Variants in CFAP299 observed in about 807,000 individuals in gnomAD.
CFAP299 encodes cilia and flagella associated protein 299.
In CFAP299, 21 loss-of-function variants were observed where a neutral mutation model predicts 27.0. The ratio of observed to expected loss-of-function variants is 0.78; its 90% confidence interval spans 0.55 to 1.12. The LOEUF (loss-of-function observed/expected upper bound fraction) is 1.12. Ranked by LOEUF, CFAP299 falls within the 50% of genes most tolerant of loss-of-function variation. The pLI is 0.00. For synonymous variants in CFAP299, 104 were observed against 98.1 expected (o/e 1.06, Z -0.36); for missense variants, 310 against 276.6 (o/e 1.12, Z -0.86).
intron 5 of CFAP299, among the ~76,000 whole-genome samples, chr4:80,948,543 T>A (rs1192717704): frequency 6.6e-6 from 1 of 151,756 alleles, no homozygotes; most frequent in Non-Finnish European, 1.5e-5. Context: ...TAAATACACT[T>A]TTTTTTTACT....
intron 2 of CFAP299, among the ~76,000 whole-genome samples, chr4:80,560,867 C>A (rs1735006694): frequency 6.6e-6 from 1 of 152,068 alleles, no homozygotes; most frequent in African/African-American, 2.4e-5. Flanking sequence ...GTTTCTGGAC[C>A]CACGTGGGTC....
At chr4:80,604,704 G>C (rs1392994370) in intron 3 of CFAP299, among the ~76,000 whole-genome samples, 1 of 152,114 alleles carries the variant, frequency 6.6e-6, no homozygotes, top group Admixed American at 6.5e-5. Context: ...ACAATGAACT[G>C]GATAGAACTG....
chr4:80,641,499 A>G (rs6823981), intron 3 of CFAP299, among the ~76,000 whole-genome samples: 92,712 of 152,140 alleles, frequency 0.61, 32,188 homozygotes, highest in Non-Finnish European at 0.77. Context: ...CACCATGCCC[A>G]ATCTTATTTT....
At chr4:80,910,021 A>C (rs1735387864) in intron 4 of CFAP299, among the ~76,000 whole-genome samples, 1 of 152,174 alleles carries the variant, frequency 6.6e-6, no homozygotes, top group Admixed American at 6.5e-5. Context: ...TAAATTCAAT[A>C]TGCAAGGAAA....
chr4:80,337,677 T>C (rs1398191385), intron 1 of CFAP299, among the ~76,000 whole-genome samples: 3 of 152,142 alleles, frequency 2.0e-5, no homozygotes, highest in Non-Finnish European at 4.4e-5. Context: ...GAATTACAGG[T>C]GTGAGCCACC....
chr4:80,430,935 C>G (rs544894729), intron 2 of CFAP299, among the ~76,000 whole-genome samples: 2 of 152,120 alleles, frequency 1.3e-5, no homozygotes, highest in East Asian at 1.9e-4. Context: ...TTTGTGGGAA[C>G]CTTTTCTTCC....
intron 4 of CFAP299, among the ~76,000 whole-genome samples, chr4:80,907,841 G>A (rs1174611877): frequency 2.0e-5 from 3 of 152,136 alleles, no homozygotes; most frequent in Admixed American, 6.6e-5. Flanking sequence ...TTTCCTGACA[G>A]TGTTTTTATT....
At chr4:80,387,201 G>A (rs1266467383) in intron 2 of CFAP299, 5 of 1,368,854 alleles carry the variant, frequency 3.7e-6, no homozygotes, top group Non-Finnish European at 5.2e-6. Context: ...GAGTACTGGT[G>A]CACGCTCAGG....
intron 3 of CFAP299, among the ~76,000 whole-genome samples, chr4:80,838,538 C>A (rs971986479): frequency 5.3e-5 from 8 of 152,024 alleles, no homozygotes; most frequent in Admixed American, 1.3e-4. Flanking sequence ...CCATTGCTTG[C>A]TTTTTGTCAG....
intron 3 of CFAP299, among the ~76,000 whole-genome samples, chr4:80,625,663 A>G (rs1233528434): frequency 1.3e-5 from 2 of 152,062 alleles, no homozygotes; most frequent in African/African-American, 4.8e-5. Flanking sequence ...TTGTAAGGAC[A>G]CACATAGACT....
intron 2 of CFAP299, among the ~76,000 whole-genome samples, chr4:80,581,154 C>G (rs945093671): frequency 6.6e-6 from 1 of 151,510 alleles, no homozygotes; most frequent in Non-Finnish European, 1.5e-5. Flanking sequence ...TAAAACAGAC[C>G]ATAAGCAGGA....
chr4:80,664,169 A>G (rs1014358519), intron 3 of CFAP299, among the ~76,000 whole-genome samples: 1 of 151,980 alleles, frequency 6.6e-6, no homozygotes, highest in Non-Finnish European at 1.5e-5. Flanking sequence ...CCTGGGTTTC[A>G]AGCACAAAAC....
chr4:80,435,713 A>G (rs1360928046), intron 2 of CFAP299, among the ~76,000 whole-genome samples: 8 of 152,198 alleles, frequency 5.3e-5, no homozygotes, highest in Non-Finnish European at 8.8e-5. Flanking sequence ...TTACCAAGGG[A>G]CTTACTCCAT....
chr4:80,581,301 A>G (rs1191375813), intron 2 of CFAP299, among the ~76,000 whole-genome samples: 1 of 151,388 alleles, frequency 6.6e-6, no homozygotes, highest in Non-Finnish European at 1.5e-5. Flanking sequence ...CATAGTACAT[A>G]TCGTAACATG....
At chr4:80,892,841 C>T (rs79325584) in intron 4 of CFAP299, among the ~76,000 whole-genome samples, 6,058 of 151,958 alleles carry the variant, frequency 0.04, 419 homozygotes, top group African/African-American at 0.14. Context: ...TCACTCACAG[C>T]GCTTCTACTC....
intron 3 of CFAP299, among the ~76,000 whole-genome samples, chr4:80,655,050 A>G (rs935147341): frequency 7.2e-5 from 11 of 152,132 alleles, no homozygotes; most frequent in Admixed American, 2.0e-4. Context: ...AGACATTAAG[A>G]GTGAATTCTA....
chr4:80,747,332 CAT>C (rs1387444075), intron 3 of CFAP299, among the ~76,000 whole-genome samples: 8 of 152,108 alleles, frequency 5.3e-5, no homozygotes, highest in African/African-American at 1.7e-4. Flanking sequence ...TCGCCACAAA[CAT>C]GTGAGCAATA....
At chr4:80,557,557 G>A (rs968555827) in intron 2 of CFAP299, among the ~76,000 whole-genome samples, 7 of 152,064 alleles carry the variant, frequency 4.6e-5, no homozygotes, top group Admixed American at 2.0e-4. Context: ...TCAAAGCAGT[G>A]TATTAAAGTA....
chr4:80,609,452 T>C (rs551124084), intron 3 of CFAP299, among the ~76,000 whole-genome samples: 2 of 152,182 alleles, frequency 1.3e-5, no homozygotes, highest in East Asian at 3.9e-4. Flanking sequence ...GTTTCAAGGT[T>C]GGTTTATAGG....
Sources: allele counts gnomAD v4.1 joint callset (sites outside exome capture counted in the v4.1 genomes callset), GRCh38; gene constraint gnomAD v4.1.1; transcripts MANE v1.5; gene names NCBI Gene and HGNC (gene_info 2026-07-23, HGNC 2026-07-21).